Variants in CHST11 observed in about 807,000 individuals in gnomAD.
CHST11 encodes carbohydrate sulfotransferase 11.
CHST11 carries 9 observed loss-of-function variants against 30.4 expected under a neutral mutation model. The ratio of observed to expected loss-of-function variants is 0.30; its 90% CI spans 0.18 to 0.52. CHST11 has a LOEUF of 0.52. Ranked by LOEUF, CHST11 falls within the 20% of genes least tolerant of loss-of-function variation. The pLI is 0.97. For synonymous variants in CHST11, 152 were observed against 187.8 expected (o/e 0.81, Z 1.56); for missense variants, 348 against 460.6 (o/e 0.76, Z 2.24).
chr12:104,725,114 C>T lies in CHST11; in HGVS notation c.205-31835C>T, dbSNP rs535169931. Among the ~76,000 whole-genome samples the T allele has an allele frequency of 2.6e-5, 4 of 152,284 alleles. No homozygotes were observed. In the East Asian group the frequency reaches 5.8e-4, roughly 22 times the overall value. ...TTTTGTAGCCACTTATCTTTGAGCA[C>T]GTTCCCAGCTTTCTGACTCTCAATT... On this transcript the variant is annotated intron_variant, in intron 2 of 2. Coordinates refer to ENST00000303694, the MANE Select transcript of CHST11 (RefSeq NM_018413.6).
intron 1 of CHST11, among the ~76,000 whole-genome samples, chr12:104,526,513 G>A (rs533608709): frequency 9.9e-5 from 15 of 152,242 alleles, no homozygotes; most frequent in South Asian, 8.3e-4. Context: ...TTTCTCCTCC[G>A]GGCCTGAGGT....
chr12:104,606,405 T>C lies in CHST11; in HGVS notation c.204+4414T>C, dbSNP rs999624574. Among the ~76,000 whole-genome samples, 6 of 152,232 alleles carry C rather than the reference T, an allele frequency of 3.9e-5. 1 individual carries two copies. The highest frequency in any genetic ancestry group is 1.9e-4 in the East Asian group (1 of 5,182). ...GAGAAAAAGGAAGACAAATTACTAT[T>C]TACTAAATGTATAATACATGCCAGT... On this transcript the variant is annotated intron_variant, in intron 2 of 2. Coordinates refer to ENST00000303694, the MANE Select transcript of CHST11 (RefSeq NM_018413.6).
intron 1 of CHST11, among the ~76,000 whole-genome samples, chr12:104,512,866 G>A (rs190583908): frequency 1.5e-3 from 234 of 152,164 alleles, no homozygotes; most frequent in Middle Eastern, 3.4e-3. Context: ...CCTCAGGTGC[G>A]CAGCCTTTTT....
intron 1 of CHST11, among the ~76,000 whole-genome samples, chr12:104,523,892 C>G (rs1331181883): frequency 1.3e-5 from 2 of 152,224 alleles, no homozygotes; most frequent in Non-Finnish European, 2.9e-5. Flanking sequence ...TGGAATTTCA[C>G]ATGGGTTTCA....
intron 1 of CHST11, among the ~76,000 whole-genome samples, chr12:104,512,194 G>A (rs2037971951): frequency 6.6e-6 from 1 of 152,198 alleles, no homozygotes; most frequent in African/African-American, 2.4e-5. Flanking sequence ...CTGTTAGTGA[G>A]AGATTTAAAA....
intron 1 of CHST11, among the ~76,000 whole-genome samples, chr12:104,583,849 A>G (rs1484231160): frequency 6.6e-6 from 1 of 152,014 alleles, no homozygotes; most frequent in Non-Finnish European, 1.5e-5. Context: ...AGTAGCTGGG[A>G]TTACAGGCAC....
chr12:104,542,271 T>G (rs1228911125), intron 1 of CHST11, among the ~76,000 whole-genome samples: 1 of 152,162 alleles, frequency 6.6e-6, no homozygotes, highest in African/African-American at 2.4e-5. Flanking sequence ...CCAAAAGAAC[T>G]GAAAGCAGGG....
intron 2 of CHST11, among the ~76,000 whole-genome samples, chr12:104,710,750 C>T (rs974501263): frequency 6.6e-6 from 1 of 152,182 alleles, no homozygotes. Flanking sequence ...ATTTAACCTC[C>T]CCTCTTCTAT....
At chr12:104,626,195 C>T (rs925485458) in intron 2 of CHST11, among the ~76,000 whole-genome samples, 1 of 152,160 alleles carries the variant, frequency 6.6e-6, no homozygotes, top group Non-Finnish European at 1.5e-5. Context: ...ACTAAAAGTG[C>T]ATTTTTAAAG....
intron 2 of CHST11, among the ~76,000 whole-genome samples, chr12:104,652,343 C>T (rs755341902): frequency 2.2e-4 from 33 of 152,190 alleles, no homozygotes; most frequent in Non-Finnish European, 4.1e-4. Context: ...AGCAGCTCCC[C>T]GATGAGTTGA....
In CHST11 at chr12:104,621,718, A is replaced by G. The variant is rs570201581; in HGVS notation, c.204+19727A>G. Among the ~76,000 whole-genome samples the G allele has an allele frequency of 2.6e-4, 39 of 152,374 alleles. No homozygotes were observed. The South Asian group carries it at 6.6e-3, about 26-fold the overall frequency. Reference sequence around the variant, plus strand: ...GAACAGATTTTCCCTTGGAGCCTCCAGAAGGAACGCAAGCCTGCTAACCCC... The same window carrying G: ...GAACAGATTTTCCCTTGGAGCCTCCGGAAGGAACGCAAGCCTGCTAACCCC... On this transcript the variant is annotated intron_variant, in intron 2 of 2. Transcript: ENST00000303694.
chr12:104,603,812 CT>C (rs2038978572), intron 2 of CHST11, among the ~76,000 whole-genome samples: 1 of 152,170 alleles, frequency 6.6e-6, no homozygotes, highest in African/African-American at 2.4e-5. Flanking sequence ...CTTAACCTCT[CT>C]GAGATTTCTT....
At chr12:104,477,968 A>G (rs2037579437) in intron 1 of CHST11, among the ~76,000 whole-genome samples, 2 of 152,160 alleles carry the variant, frequency 1.3e-5, no homozygotes, top group South Asian at 2.1e-4. Context: ...AGCTCTTCAC[A>G]TGTCTCCTAT....
In CHST11 at chr12:104,600,567, A is replaced by G. The variant is rs1349388206; in HGVS notation, c.119-1339A>G. Among the ~76,000 whole-genome samples, 1 of 152,218 alleles carries G rather than the reference A, an allele frequency of 6.6e-6. No individual in the cohort carries two copies. On this transcript the variant is annotated intron_variant, in intron 1 of 2. Transcript: ENST00000303694. This position sits in a 1 kb window ranked among gnomAD's most constrained non-coding sequence, Gnocchi z 4.1. ...ACCCAGGAAGTTAGATGCCCCTGTCATTCCCATTTTACAGACAAAGAAGCA... is the reference window on the plus strand; with the variant it reads ...ACCCAGGAAGTTAGATGCCCCTGTCGTTCCCATTTTACAGACAAAGAAGCA...
intron 1 of CHST11, among the ~76,000 whole-genome samples, chr12:104,485,288 A>G (rs571552128): frequency 3.3e-5 from 5 of 152,338 alleles, no homozygotes; most frequent in South Asian, 4.1e-4. Context: ...ATTGACTCTT[A>G]TAAAAAATCG....
At chr12:104,744,084 A>T (rs2040370082) in intron 2 of CHST11, among the ~76,000 whole-genome samples, 1 of 152,214 alleles carries the variant, frequency 6.6e-6, no homozygotes, top group Admixed American at 6.5e-5. Flanking sequence ...ATGTGTCTTT[A>T]TAATAGAATG....
At chr12:104,688,788 T>C (rs899267170) in intron 2 of CHST11, among the ~76,000 whole-genome samples, 1 of 152,146 alleles carries the variant, frequency 6.6e-6, no homozygotes, top group Admixed American at 6.5e-5. Flanking sequence ...CTTAAGATGA[T>C]GTTGTAGCAT....
At chr12:104,517,983 C>T (rs17035692) in intron 1 of CHST11, among the ~76,000 whole-genome samples, 3,616 of 152,216 alleles carry the variant, frequency 0.024, 138 homozygotes, top group East Asian at 0.17. Flanking sequence ...TGAGAAGTTC[C>T]CGCCTCTGAG....
intron 2 of CHST11, among the ~76,000 whole-genome samples, chr12:104,703,009 C>T (rs1026814220): frequency 1.3e-5 from 2 of 152,182 alleles, no homozygotes; most frequent in African/African-American, 4.8e-5. Flanking sequence ...CAGCCCCACA[C>T]CCACACTCTC....
Sources: allele counts gnomAD v4.1 joint callset (sites outside exome capture counted in the v4.1 genomes callset), GRCh38; gene constraint gnomAD v4.1.1; non-coding constraint Gnocchi (gnomAD v3.1); transcripts MANE v1.5; gene names NCBI Gene and HGNC (gene_info 2026-07-23, HGNC 2026-07-21).